The following TMEM132C variants were observed in gnomAD, a reference collection of about 807,000 sequenced individuals.
TMEM132C encodes protein phosphatase 1, regulatory subunit 152.
Under a neutral mutation model 61.4 loss-of-function variants are expected in TMEM132C, and 29 were observed. The ratio of observed to expected loss-of-function variants is 0.47; its 90% CI spans 0.35 to 0.64. The LOEUF (loss-of-function observed/expected upper bound fraction) is 0.64, where lower values mean the gene tolerates loss of function less well. Among genes scored for constraint, TMEM132C ranks in the 30% least tolerant of loss-of-function variants. The pLI is 0.00. For missense variants in TMEM132C, 1,408 were observed against 1,476.9 expected, an observed-to-expected ratio of 0.95 and a Z score of 0.76; for synonymous variants, 656 against 633.1, an observed-to-expected ratio of 1.04 and a Z score of -0.54.
intron 2 of TMEM132C, among the ~76,000 whole-genome samples, chr12:128,543,006 G>C (rs1459034874): frequency 6.6e-6 from 1 of 152,152 alleles, no homozygotes; most frequent in Non-Finnish European, 1.5e-5. Flanking sequence ...ATGAGTAGAT[G>C]TGTGTGCTCA....
chr12:128,434,821 C>T (rs961549291), intron 2 of TMEM132C, among the ~76,000 whole-genome samples: 12 of 151,614 alleles, frequency 7.9e-5, no homozygotes, highest in Admixed American at 2.0e-4. Context: ...GGGGTTTCAC[C>T]GTGTTGCCTA....
At chr12:128,508,757 C>T (rs555070367) in intron 2 of TMEM132C, among the ~76,000 whole-genome samples, 1 of 152,288 alleles carries the variant, frequency 6.6e-6, no homozygotes, top group South Asian at 2.1e-4. Flanking sequence ...AGCCTGGTAC[C>T]ATCTGTAGCT....
intron 2 of TMEM132C, among the ~76,000 whole-genome samples, chr12:128,462,116 G>GT (rs1356211917): frequency 6.6e-6 from 1 of 152,076 alleles, no homozygotes; most frequent in East Asian, 1.9e-4. Flanking sequence ...GTTTTGTTTT[G>GT]TTTTTTTGAG....
At chr12:128,527,742 A>T (rs922791526) in intron 2 of TMEM132C, among the ~76,000 whole-genome samples, 8 of 147,380 alleles carry the variant, frequency 5.4e-5, no homozygotes, top group South Asian at 2.1e-4. Flanking sequence ...TGTTACATCC[A>T]TACCATTTCC....
At chr12:128,695,054 G>T (rs1490155654) in intron 6 of TMEM132C, among the ~76,000 whole-genome samples, 1 of 152,198 alleles carries the variant, frequency 6.6e-6, no homozygotes, top group African/African-American at 2.4e-5. Flanking sequence ...AATGGGACCT[G>T]CCACATCTCA....
At chr12:128,663,706 C>CGTGT (rs1224592454) in intron 4 of TMEM132C, among the ~76,000 whole-genome samples, 1 of 132,112 alleles carries the variant, frequency 7.6e-6, no homozygotes, top group African/African-American at 3.8e-5. Flanking sequence ...TGCATGTATG[C>CGTGT]GTGTGTGTAT....
intron 4 of TMEM132C, among the ~76,000 whole-genome samples, chr12:128,629,970 T>TA (rs35956352): frequency 0.23 from 30,969 of 134,890 alleles, 3,949 homozygotes; most frequent in African/African-American, 0.36. Context: ...CCGTCTAAAT[T>TA]AAAAAAAAAA....
At chr12:128,665,781 A>T (rs549425662) in intron 4 of TMEM132C, among the ~76,000 whole-genome samples, 3 of 143,082 alleles carry the variant, frequency 2.1e-5, no homozygotes, top group Middle Eastern at 3.5e-3. Flanking sequence ...ACAGGCACTC[A>T]CACACACAGG....
At chr12:128,500,695 G>A (rs1035490462) in intron 2 of TMEM132C, among the ~76,000 whole-genome samples, 15 of 152,014 alleles carry the variant, frequency 9.9e-5, no homozygotes, top group African/African-American at 3.6e-4. Context: ...ACAGACGTTG[G>A]GAAGAAACTG....
In TMEM132C at chr12:128,278,706, G is replaced by T. The variant is rs959840759; in HGVS notation, c.85+11219G>T. Reference sequence around the variant, plus strand: ...TAAGTTTTTGTCTTAACTTGTGTGGGCCACGGTTCCCAGATATTTGTGCAG... The same window carrying T: ...TAAGTTTTTGTCTTAACTTGTGTGGTCCACGGTTCCCAGATATTTGTGCAG... On this transcript the variant is annotated intron_variant, in intron 1 of 8. Transcript: ENST00000435159. This position sits in a 1 kb window ranked among gnomAD's most constrained non-coding sequence, Gnocchi z 4.2. 3.3e-5 allele frequency among the ~76,000 whole-genome samples: 5 copies of T among 152,000 alleles called. No individual in the cohort carries two copies. Among genetic ancestry groups the T allele is most frequent in the Admixed American group, 2.6e-4 (4 of 15,270 alleles).
intron 1 of TMEM132C, among the ~76,000 whole-genome samples, chr12:128,330,474 G>A (rs976426720): frequency 2.0e-5 from 3 of 152,110 alleles, no homozygotes; most frequent in African/African-American, 7.2e-5. Flanking sequence ...GATCACATGA[G>A]CCCAGGAGTC....
At chr12:128,646,611 G>T (rs1954201263) in intron 4 of TMEM132C, among the ~76,000 whole-genome samples, 1 of 151,848 alleles carries the variant, frequency 6.6e-6, no homozygotes, top group Non-Finnish European at 1.5e-5. Flanking sequence ...GTGTTTACTG[G>T]AGTCCATCAG....
At chr12:128,625,754 G>A (rs545470824) in intron 4 of TMEM132C, among the ~76,000 whole-genome samples, 1 of 152,326 alleles carries the variant, frequency 6.6e-6, no homozygotes, top group African/African-American at 2.4e-5. Flanking sequence ...AGATTTGGGT[G>A]GGGACACAGC....
intron 1 of TMEM132C, among the ~76,000 whole-genome samples, chr12:128,321,028 C>T (rs1047630211): frequency 2.0e-5 from 3 of 151,402 alleles, no homozygotes; most frequent in African/African-American, 7.3e-5. Context: ...CCTGTCAGAG[C>T]CCTATCAGGG....
intron 2 of TMEM132C, among the ~76,000 whole-genome samples, chr12:128,418,380 T>A (rs925226576): frequency 2.0e-5 from 3 of 152,096 alleles, no homozygotes. Context: ...TCGGCTTAAT[T>A]TGAGTTGCCA....
chr12:128,662,682 G>A (rs1954403935), intron 4 of TMEM132C, among the ~76,000 whole-genome samples: 1 of 152,198 alleles, frequency 6.6e-6, no homozygotes, highest in South Asian at 2.1e-4. Flanking sequence ...TGGGTTTGGG[G>A]TAGCGGTGAG....
intron 1 of TMEM132C, among the ~76,000 whole-genome samples, chr12:128,358,424 T>G (rs1026853543): frequency 4.6e-5 from 7 of 152,050 alleles, no homozygotes; most frequent in Admixed American, 3.9e-4. Context: ...GAGTTTGATT[T>G]TTCACTAAAA....
rs1044122557 is a variant in TMEM132C, at chr12:128,326,563, T to C, written c.85+59076T>C. ...GCCCAGGCTTCCACAATATCTAGAA[T>C]TGGAACAGTAGCCCCAGGAAAAGAA... On this transcript the variant is annotated intron_variant, in intron 1 of 8. Transcript: ENST00000435159. This position sits in a 1 kb window ranked among gnomAD's most constrained non-coding sequence, Gnocchi z 5.6. Among the ~76,000 whole-genome samples, 1 of 152,140 alleles carries C rather than the reference T, an allele frequency of 6.6e-6. No homozygotes were observed. The highest frequency in any genetic ancestry group is 1.5e-5 in the Non-Finnish European group (1 of 68,010).
At chr12:128,636,843 T>C (rs1002110548) in intron 4 of TMEM132C, among the ~76,000 whole-genome samples, 1 of 152,066 alleles carries the variant, frequency 6.6e-6, no homozygotes, top group Non-Finnish European at 1.5e-5. Context: ...AGACCACCTA[T>C]GAATGGAATC....
Sources: allele counts gnomAD v4.1 joint callset (sites outside exome capture counted in the v4.1 genomes callset), GRCh38; gene constraint gnomAD v4.1.1; non-coding constraint Gnocchi (gnomAD v3.1); transcripts MANE v1.5; gene names NCBI Gene and HGNC (gene_info 2026-07-23, HGNC 2026-07-21).